Variants in UBR1 observed in about 807,000 individuals in gnomAD.
UBR1 encodes the protein ubiquitin protein ligase E3 component n-recognin 1, also known as E3 ubiquitin-protein ligase UBR1.
UBR1 carries 102 observed loss-of-function variants against 242.1 expected under a neutral mutation model. That is an observed-to-expected ratio of 0.42 (90% CI 0.36 to 0.50). The LOEUF is 0.50. Among genes scored for constraint, UBR1 ranks in the 20% least tolerant of loss-of-function variants. The pLI, the probability that UBR1 is intolerant of heterozygous loss-of-function variation, is 0.01. For synonymous variants in UBR1, 675 were observed against 684.8 expected (o/e 0.99, Z 0.22); for missense variants, 1,772 against 2,101.8 (o/e 0.84, Z 3.07).
chr15:43,004,065 G>C, intron 30 of UBR1, 135 bp from the exon 31 acceptor site: 1 of 771,084 alleles, frequency 1.3e-6, no homozygotes, highest in South Asian at 1.5e-5. Context: ...AACAAAAAGA[G>C]AAAAGTAATA....
chr15:43,057,782 T>C (rs2033636106), intron 10 of UBR1, among the ~76,000 whole-genome samples: 1 of 152,230 alleles, frequency 6.6e-6, no homozygotes, highest in Non-Finnish European at 1.5e-5. Context: ...TGAATGCATA[T>C]GTGAATGTGA....
At chr15:42,949,301 G>C (rs1256548504) in intron 46 of UBR1, among the ~76,000 whole-genome samples, 3 of 100,120 alleles carry the variant, frequency 3.0e-5, no homozygotes, top group African/African-American at 1.2e-4. Context: ...AGGGGGGAGG[G>C]ATAGCATTTG....
At chr15:42,948,634 C>G in intron 46 of UBR1, among the ~76,000 whole-genome samples, 1 of 151,808 alleles carries the variant, frequency 6.6e-6, no homozygotes, top group East Asian at 1.9e-4. Context: ...CATGAACAGA[C>G]ACTTCTCAAA....
chr15:43,012,597 G>C (rs1026129588), intron 29 of UBR1, among the ~76,000 whole-genome samples: 2 of 152,144 alleles, frequency 1.3e-5, no homozygotes, highest in Non-Finnish European at 2.9e-5. Context: ...AATGAACTCT[G>C]AGTACACCTT....
intron 2 of UBR1, among the ~76,000 whole-genome samples, chr15:43,084,140 G>C (rs1018375521): frequency 2.6e-5 from 4 of 152,036 alleles, no homozygotes; most frequent in Non-Finnish European, 1.5e-5. Context: ...ATCATCTATA[G>C]ACCTATTTAG....
intron 12 of UBR1, among the ~76,000 whole-genome samples, chr15:43,051,202 G>T (rs953914977): frequency 7.2e-5 from 11 of 152,198 alleles, no homozygotes; most frequent in African/African-American, 2.7e-4. Context: ...ACTGGATAAA[G>T]AAAATTTGGT....
intron 44 of UBR1, among the ~76,000 whole-genome samples, chr15:42,957,751 C>T (rs1200529427): frequency 6.6e-6 from 1 of 152,034 alleles, no homozygotes; most frequent in Admixed American, 6.6e-5. Context: ...TGGCGCCTGC[C>T]TGTAGTTTCA....
intron 33 of UBR1, among the ~76,000 whole-genome samples, chr15:42,996,729 G>A (rs2032646453): frequency 6.6e-6 from 1 of 152,180 alleles, no homozygotes; most frequent in African/African-American, 2.4e-5. Flanking sequence ...TTAAAAGTAC[G>A]TAACTGAAAG....
chr15:43,063,279 C>T (rs1184372233), intron 6 of UBR1, among the ~76,000 whole-genome samples: 1 of 152,190 alleles, frequency 6.6e-6, no homozygotes, highest in Non-Finnish European at 1.5e-5. Flanking sequence ...AGGGCAAACA[C>T]TGGGAGACAC....
chr15:43,058,202 G>T (rs1033401113), intron 10 of UBR1, 139 bp downstream of exon 10: 3 of 673,452 alleles, frequency 4.5e-6, no homozygotes, highest in East Asian at 6.2e-5. Flanking sequence ...GAGCCAACCC[G>T]CAGGGCCAAG....
rs545739786 is a variant in UBR1, at chr15:42,974,668, G to A, written c.4369+2049C>T. Reference sequence around the variant, plus strand: ...CTGTTACCCGGCCTGGACTGCAGTGGTGCAATCCCAACTCACTGCAGCCTT... The same window carrying A: ...CTGTTACCCGGCCTGGACTGCAGTGATGCAATCCCAACTCACTGCAGCCTT... On this transcript the variant is annotated intron_variant, in intron 39 of 46. Transcript: ENST00000290650. 3.4e-4 allele frequency among the ~76,000 whole-genome samples: 52 copies of A among 152,282 alleles called. 1 individual carries two copies. In the South Asian group the frequency reaches 0.01, roughly 30 times the overall value.
intron 30 of UBR1, among the ~76,000 whole-genome samples, chr15:43,005,279 G>A (rs1031770222): frequency 2.6e-5 from 4 of 150,978 alleles, no homozygotes; most frequent in East Asian, 2.0e-4. Flanking sequence ...TGCCCCTTCC[G>A]GGAGGGAGGT....
chr15:43,088,598 C>T (rs1325890443), intron 1 of UBR1, among the ~76,000 whole-genome samples: 3 of 151,562 alleles, frequency 2.0e-5, no homozygotes, highest in Non-Finnish European at 2.9e-5. Flanking sequence ...TGGGTTCAAG[C>T]GATTTTCCTG....
chr15:43,102,985 T>C (rs1280963389), intron 1 of UBR1, among the ~76,000 whole-genome samples: 1 of 152,168 alleles, frequency 6.6e-6, no homozygotes, highest in African/African-American at 2.4e-5. Context: ...CCTGGCCATA[T>C]GGCAAAACCC....
intron 42 of UBR1, among the ~76,000 whole-genome samples, chr15:42,963,459 A>G (rs1358947031): frequency 6.6e-6 from 1 of 152,148 alleles, no homozygotes; most frequent in African/African-American, 2.4e-5. Context: ...AATAGGGTAA[A>G]AAGTTTTTCT....
intron 15 of UBR1, among the ~76,000 whole-genome samples, chr15:43,041,014 C>T (rs2033410989): frequency 6.6e-6 from 1 of 152,142 alleles, no homozygotes; most frequent in Non-Finnish European, 1.5e-5. Context: ...ACTGGTTCAA[C>T]CATTGTGGAA....
chr15:43,030,097 A>T (rs1236507872), intron 20 of UBR1, 29 bp from the exon 21 acceptor site: 1 of 1,606,796 alleles, frequency 6.2e-7, no homozygotes, highest in East Asian at 2.2e-5. Context: ...AACAAAAAAA[A>T]AGTAGAATAA....
intron 38 of UBR1, 124 bp from the exon 39 acceptor site, chr15:42,976,991 ACC>A (rs2032301585): frequency 6.3e-6 from 7 of 1,113,808 alleles, no homozygotes; most frequent in African/African-American, 1.6e-5. Flanking sequence ...TTTAATAAAA[ACC>A]ATATTTTTCT....
intron 35 of UBR1, among the ~76,000 whole-genome samples, chr15:42,985,412 G>A (rs185622823): frequency 6.1e-4 from 93 of 152,190 alleles, no homozygotes; most frequent in Non-Finnish European, 1.2e-3. Flanking sequence ...GAGTGCAATG[G>A]CGCGATCTCG....
Sources: gnomAD v4.1 joint callset for allele counts (sites outside exome capture counted in the v4.1 genomes callset) on GRCh38, gnomAD v4.1.1 for gene constraint, MANE v1.5 for transcripts, NCBI Gene and HGNC (gene_info 2026-07-23, HGNC 2026-07-21) for gene names.